Variants in MAF observed in about 807,000 individuals in gnomAD.
The protein encoded by MAF is transcription factor Maf.
A neutral mutation model predicts 22.0 loss-of-function variants in MAF; 10 were observed. The observed-to-expected ratio is 0.45, with a 90% CI of 0.28 to 0.77. MAF has a LOEUF of 0.77. MAF is among the 30% of genes least tolerant of loss of function. The pLI, the probability that MAF is intolerant of heterozygous loss-of-function variation, is 0.12. For missense variants in MAF, 544 were observed against 548.4 expected (o/e 0.99, Z 0.08); for synonymous variants, 337 against 255.8 (o/e 1.32, Z -3.03).
the MAF span, among the ~76,000 whole-genome samples, chr16:79,323,424 T>C: frequency 6.6e-6 from 1 of 152,094 alleles, no homozygotes; most frequent in Non-Finnish European, 1.5e-5. Flanking sequence ...CTGTGTTGTT[T>C]CCTATGTAAA....
chr16:79,383,228 G>C, the MAF span, among the ~76,000 whole-genome samples: 5 of 152,124 alleles, frequency 3.3e-5, no homozygotes, highest in Non-Finnish European at 7.3e-5. Context: ...ACTGGGGTGG[G>C]GGCAGGGTGG....
chr16:79,564,910 G>A, the MAF span, among the ~76,000 whole-genome samples: 1 of 152,188 alleles, frequency 6.6e-6, no homozygotes, highest in African/African-American at 2.4e-5. Context: ...ATAAAGGGCT[G>A]CACACTCTCT....
chr16:79,305,568 G>C, the MAF span, among the ~76,000 whole-genome samples: 3 of 152,124 alleles, frequency 2.0e-5, no homozygotes, highest in South Asian at 4.1e-4. Flanking sequence ...ACTGGTCATG[G>C]GGAGGGGCTG....
chr16:79,564,030 G>C, the MAF span, among the ~76,000 whole-genome samples: 1 of 152,224 alleles, frequency 6.6e-6, no homozygotes, highest in Non-Finnish European at 1.5e-5. Context: ...GGAAAAAAGA[G>C]AGACCTTTCA....
chr16:79,351,783 C>A, the MAF span, among the ~76,000 whole-genome samples: 1 of 152,080 alleles, frequency 6.6e-6, no homozygotes, highest in Non-Finnish European at 1.5e-5. Flanking sequence ...CGGGCAGAAG[C>A]CTGGAACGGC....
the MAF span, among the ~76,000 whole-genome samples, chr16:79,566,569 C>T: frequency 3.9e-5 from 6 of 152,246 alleles, no homozygotes. Flanking sequence ...TTTCACTCTG[C>T]ACCCTCGTGG....
the MAF span, among the ~76,000 whole-genome samples, chr16:79,453,755 C>T: frequency 2.0e-3 from 307 of 152,298 alleles, 9 homozygotes; most frequent in East Asian, 0.054. Context: ...CACTGCTATT[C>T]TCTTTGATTC....
the MAF span, among the ~76,000 whole-genome samples, chr16:79,288,018 C>T: frequency 6.6e-6 from 1 of 152,178 alleles, no homozygotes; most frequent in Non-Finnish European, 1.5e-5. Flanking sequence ...AAAACTACTC[C>T]CAGTTCCTTG....
At chr16:79,486,555 TC>T in the MAF span, among the ~76,000 whole-genome samples, 1 of 152,324 alleles carries the variant, frequency 6.6e-6, no homozygotes, top group South Asian at 2.1e-4. Context: ...AAAAAGATTC[TC>T]CCGCATAAGA....
the MAF span, among the ~76,000 whole-genome samples, chr16:79,475,362 A>ATGTGTGTG: frequency 2.4e-4 from 35 of 148,722 alleles, no homozygotes; most frequent in Admixed American, 8.1e-4. Context: ...ATGTATATAT[A>ATGTGTGTG]TGTGTGTGTG....
chr16:79,305,720 C>G, the MAF span, among the ~76,000 whole-genome samples: 2 of 152,068 alleles, frequency 1.3e-5, no homozygotes, highest in Non-Finnish European at 2.9e-5. Context: ...CAACAGAAAT[C>G]GACGCTGGAA....
chr16:79,240,531 A>T, the MAF span, among the ~76,000 whole-genome samples: 2 of 138,730 alleles, frequency 1.4e-5, 1 homozygote, highest in Non-Finnish European at 3.1e-5. Flanking sequence ...AAAAAAGGGC[A>T]GCAGCCCCAG....
the MAF span, among the ~76,000 whole-genome samples, chr16:79,492,728 C>A: frequency 6.6e-6 from 1 of 152,108 alleles, no homozygotes. Context: ...CAACATGCAG[C>A]GAATCTCATA....
the MAF span, among the ~76,000 whole-genome samples, chr16:79,372,361 G>C: frequency 6.6e-6 from 1 of 152,130 alleles, no homozygotes; most frequent in African/African-American, 2.4e-5. Flanking sequence ...ATCCAAACAA[G>C]AGAAATATAC....
the MAF span, among the ~76,000 whole-genome samples, chr16:79,223,969 C>T: frequency 6.6e-6 from 1 of 152,206 alleles, no homozygotes; most frequent in East Asian, 1.9e-4. Flanking sequence ...GAAACTATTG[C>T]AAACAATAGG....
the MAF span, among the ~76,000 whole-genome samples, chr16:79,532,032 T>A: frequency 1.3e-5 from 2 of 152,194 alleles, no homozygotes; most frequent in South Asian, 2.1e-4. Flanking sequence ...CAGTTTGAAT[T>A]TCAGATAACC....
the MAF span, among the ~76,000 whole-genome samples, chr16:79,429,096 G>C: frequency 6.6e-6 from 1 of 152,138 alleles, no homozygotes; most frequent in Non-Finnish European, 1.5e-5. Context: ...AGGTAATTAC[G>C]TTGGGAGCAG....
the MAF span, among the ~76,000 whole-genome samples, chr16:79,502,704 TATAA>T: frequency 0.013 from 193 of 14,366 alleles, 8 homozygotes; most frequent in Non-Finnish European, 0.019. Context: ...TAAATATAAA[TATAA>T]ATATATATAT....
chr16:79,206,857 C>G, the MAF span: 7 of 152,202 alleles, frequency 4.6e-5, no homozygotes, highest in African/African-American at 1.7e-4. Flanking sequence ...ACTTTATGAA[C>G]AAATGCAATT....
Sources: allele counts gnomAD v4.1 joint callset (sites outside exome capture counted in the v4.1 genomes callset), GRCh38; gene constraint gnomAD v4.1.1; transcripts MANE v1.5; gene names NCBI Gene and HGNC (gene_info 2026-07-23, HGNC 2026-07-21).